KIF27: variants seen among roughly 807,000 people sequenced by gnomAD.
KIF27 encodes kinesin-like protein KIF27.
A neutral mutation model predicts 141.8 loss-of-function variants in KIF27; 84 were observed. The observed-to-expected ratio is 0.59, with a 90% confidence interval of 0.50 to 0.71. The LOEUF (loss-of-function observed/expected upper bound fraction) is 0.71, where lower values mean the gene tolerates loss of function less well. KIF27 is among the 30% of genes least tolerant of loss of function. The pLI is 0.00. For synonymous variants in KIF27, 471 were observed against 569.5 expected, an observed-to-expected ratio of 0.83 and a Z score of 2.46; for missense variants, 1,306 against 1,628.4, an observed-to-expected ratio of 0.80 and a Z score of 3.41.
Position 83,848,132 on chromosome 9 carries a change from C to A in KIF27, c.3556+1967G>T, listed in dbSNP as rs1320956118. On this transcript the variant is annotated intron_variant, in intron 16 of 17. Transcript: ENST00000297814. ...CTCATATCTGATATATCTGATATCT[C>A]ATATATGATATATCTGATATATCAT... Among the ~76,000 whole-genome samples, 2 of 38,028 alleles carry A rather than the reference C, an allele frequency of 5.3e-5. 1 individual carries two copies. The allele number at this position is 38,028 out of a possible 152,430, so 24.9% of individuals were successfully genotyped here. A position where few individuals can be genotyped will look rare whatever the true frequency, so the allele number is the denominator to read the frequency against.
At chr9:83,862,998 A>G (rs1256159702) in intron 13 of KIF27, among the ~76,000 whole-genome samples, 1 of 152,182 alleles carries the variant, frequency 6.6e-6, no homozygotes, top group Admixed American at 6.5e-5. Context: ...GTGTATAAAA[A>G]TGCTTGTGAT....
intron 17 of KIF27, among the ~76,000 whole-genome samples, chr9:83,839,691 G>A (rs1481404815): frequency 1.3e-5 from 2 of 152,194 alleles, no homozygotes; most frequent in African/African-American, 2.4e-5. Context: ...GGTGGCTCAC[G>A]CCTGTAATTC....
At chr9:83,915,724 T>A in intron 1 of KIF27, 46 bp from the exon 2 acceptor site, 3 of 850,982 alleles carry the variant, frequency 3.5e-6, no homozygotes, top group Non-Finnish European at 5.3e-6. Flanking sequence ...TGATTCCTTG[T>A]ATCCCAATAA....
chr9:83,891,292 T>C lies in KIF27; in HGVS notation c.1809+3A>G, dbSNP rs1229319225. The C allele has an allele frequency of 1.4e-5, 23 of 1,609,996 alleles. No individual in the cohort carries two copies. The highest frequency in any genetic ancestry group is 2.0e-5 in the Non-Finnish European group (23 of 1,177,990). Reference sequence around the variant, plus strand: ...AATAAGGAAAAGATTGTTTGGACTTTACCTTCCTGGAATCTTGTCTTGATG... The same window carrying C: ...AATAAGGAAAAGATTGTTTGGACTTCACCTTCCTGGAATCTTGTCTTGATG... On this transcript the variant is annotated splice_donor_region_variant and intron_variant, in intron 6 of 17. Transcript: ENST00000297814.
At position 83,883,890 on chromosome 9, in the gene KIF27, G is replaced by T. The variant is rs532983093; in HGVS notation, c.2368C>A (p.Leu790Ile). The change falls in exon 10 of 18, where the codon CTT (leucine) becomes ATT (isoleucine). Residue 790 changes from leucine (L) to isoleucine (I), a missense_variant. By Grantham distance (5) the Leu-to-Ile change is conservative. Coordinates refer to ENST00000297814, the MANE Select transcript of KIF27 (RefSeq NM_017576.4). ...TTTACCTTCATTGCAACATCAGAAA[G>T]ATCTTTGTTTTCCAGCTCCTGTAGC... The part of the protein sequence containing the change: ...KQLQELENKD[L>I]SDVAMKVKLQ... 182 of 1,613,486 alleles carry T rather than the reference G, an allele frequency of 1.1e-4. No individual in the cohort carries two copies. Among genetic ancestry groups the T allele is most frequent in the Non-Finnish European group, 1.5e-4 (180 of 1,179,582 alleles).
At chr9:83,847,814 G>C (rs559824436) in intron 16 of KIF27, 1 of 151,906 alleles carries the variant, frequency 6.6e-6, no homozygotes, top group East Asian at 1.9e-4. Context: ...TCCTGTCCTC[G>C]AACATCAGAC....
chr9:83,908,542 C>G lies in KIF27; in HGVS notation c.409G>C (p.Glu137Gln), dbSNP rs1263300643. Residue 137 changes from glutamate (E) to glutamine (Q), a missense_variant, in exon 3 of 18, where the codon GAA (glutamate) becomes CAA (glutamine). Physicochemically the swap from Glu to Gln is conservative, Grantham distance 29. This residue lies in a region of KIF27 where 533 missense variants were observed against 565.6 expected (regional missense o/e 0.94). Coordinates refer to ENST00000297814, the MANE Select transcript of KIF27 (RefSeq NM_017576.4). Reference protein sequence around the residue: ...IDFNVKVSYIEVYKEDLRDLL... With the variant: ...IDFNVKVSYIQVYKEDLRDLL... ...TCTCTTAGGTCTTCCTTGTACACTTCTATATAAGATACTTTTACATTAAAG... is the reference window on the plus strand; with the variant it reads ...TCTCTTAGGTCTTCCTTGTACACTTGTATATAAGATACTTTTACATTAAAG... 1 of 1,609,868 alleles carries G rather than the reference C, an allele frequency of 6.2e-7. No homozygotes were observed. Among genetic ancestry groups the G allele is most frequent in the African/African-American group, 1.3e-5 (1 of 74,808 alleles).
intron 13 of KIF27, among the ~76,000 whole-genome samples, chr9:83,865,818 G>A (rs2131975596): frequency 6.6e-6 from 1 of 152,220 alleles, no homozygotes; most frequent in Admixed American, 6.5e-5. Context: ...ATATTTCAGA[G>A]TCAGGTATCG....
chr9:83,865,495 C>T (rs541661494), intron 13 of KIF27, among the ~76,000 whole-genome samples: 1 of 152,290 alleles, frequency 6.6e-6, no homozygotes, highest in East Asian at 1.9e-4. Flanking sequence ...CAGGGTTTCA[C>T]CATGTTGGTC....
intron 5 of KIF27, among the ~76,000 whole-genome samples, chr9:83,897,774 G>A (rs1168524576): frequency 3.3e-5 from 5 of 151,824 alleles, no homozygotes. Context: ...TAACTCAATA[G>A]AAAAACAAAC....
chr9:83,872,130 T>C (rs62561957), intron 11 of KIF27, among the ~76,000 whole-genome samples: 12 of 150,468 alleles, frequency 8.0e-5, no homozygotes, highest in Non-Finnish European at 4.4e-5. Flanking sequence ...TCAAGACCAG[T>C]CTGGCCAACA....
chr9:83,885,088 G>C (rs1951980107), intron 9 of KIF27, among the ~76,000 whole-genome samples: 1 of 152,152 alleles, frequency 6.6e-6, no homozygotes, highest in South Asian at 2.1e-4. Context: ...ACCAGAGACA[G>C]TTTATTATAC....
At chr9:83,888,009 C>T (rs1198099067) in intron 8 of KIF27, among the ~76,000 whole-genome samples, 1 of 100,150 alleles carries the variant, frequency 1.0e-5, no homozygotes. Flanking sequence ...CGGCTGGGCA[C>T]AGTGGCTCAT....
At position 83,864,957 on chromosome 9, in the gene KIF27, CTTAGT is replaced by C. The variant is rs201157781; in HGVS notation, c.2934+2722_2934+2726del. Among the ~76,000 whole-genome samples the C allele has an allele frequency of 3.9e-5, 6 of 152,190 alleles. No homozygotes were observed. The East Asian group carries it at 5.8e-4, about 15-fold the overall frequency. On this transcript the variant is annotated intron_variant, in intron 13 of 17. Transcript: ENST00000297814. ...GCCTTCTTTATCTCTTTTGATCTTT[CTTAGT>C]TTAAAGTCTGTTTTATCAGAGACTA... is the stretch of plus-strand genomic sequence containing the variant.
intron 2 of KIF27, among the ~76,000 whole-genome samples, chr9:83,910,714 A>G (rs1010003972): frequency 6.6e-6 from 1 of 152,226 alleles, no homozygotes; most frequent in African/African-American, 2.4e-5. Context: ...GCACTACCTA[A>G]GCCCACAGCT....
At chr9:83,887,912 A>G (rs1417125459) in intron 8 of KIF27, among the ~76,000 whole-genome samples, 1 of 151,988 alleles carries the variant, frequency 6.6e-6, no homozygotes, top group Non-Finnish European at 1.5e-5. Flanking sequence ...TTCAAAGTGT[A>G]GCACTTGTAT....
chr9:83,845,358 A>C (rs531376915), intron 16 of KIF27, among the ~76,000 whole-genome samples: 1 of 152,314 alleles, frequency 6.6e-6, no homozygotes, highest in East Asian at 1.9e-4. Flanking sequence ...CGTGCACAGC[A>C]GCATTCCATC....
intron 15 of KIF27, 127 bp from the exon 16 acceptor site, chr9:83,850,424 T>C (rs1275959874): frequency 6.1e-6 from 4 of 654,456 alleles, no homozygotes; most frequent in Non-Finnish European, 1.1e-5. Flanking sequence ...CTGCCAGGTA[T>C]TGGGTCCTTA....
chr9:83,859,097 G>A, intron 14 of KIF27, 59 bp downstream of exon 14: 1 of 1,120,968 alleles, frequency 8.9e-7, no homozygotes, highest in South Asian at 1.2e-5. Flanking sequence ...AAAAGACTGA[G>A]GAAATCACTC....
Sources: allele counts gnomAD v4.1 joint callset (sites outside exome capture counted in the v4.1 genomes callset), GRCh38; gene constraint gnomAD v4.1.1; regional missense constraint gnomAD v4.1.1; transcripts MANE v1.5; gene names NCBI Gene and HGNC (gene_info 2026-07-23, HGNC 2026-07-21).